PTPRK: variants seen among roughly 807,000 people sequenced by gnomAD.
PTPRK encodes the protein receptor-type tyrosine-protein phosphatase kappa.
In PTPRK, 75 loss-of-function variants were observed where a neutral mutation model predicts 178.0. That is an observed-to-expected ratio of 0.42 (90% CI 0.35 to 0.51). The LOEUF (loss-of-function observed/expected upper bound fraction) is 0.51. PTPRK is among the 20% of genes least tolerant of loss of function. The pLI, the probability that PTPRK is intolerant of heterozygous loss-of-function variation, is 0.02. For missense variants in PTPRK, 1,441 were observed against 1,797.8 expected (o/e 0.80, Z 3.59); for synonymous variants, 637 against 620.6 (o/e 1.03, Z -0.39).
intron 15 of PTPRK, chr6:128,003,166 A>C (rs941069569): frequency 6.3e-7 from 1 of 1,580,802 alleles, no homozygotes; most frequent in African/African-American, 1.4e-5. Context: ...GATCCATGCA[A>C]TGAAAAGATG....
At chr6:128,293,668 T>C (rs995463177) in intron 3 of PTPRK, among the ~76,000 whole-genome samples, 1 of 152,196 alleles carries the variant, frequency 6.6e-6, no homozygotes, top group African/African-American at 2.4e-5. Flanking sequence ...TTTTAGAGAA[T>C]GCAAAGCTCA....
intron 3 of PTPRK, among the ~76,000 whole-genome samples, chr6:128,283,236 C>CTTG (rs1327681826): frequency 1.3e-5 from 2 of 152,068 alleles, no homozygotes; most frequent in Middle Eastern, 3.4e-3. Flanking sequence ...CCAAGGGTGC[C>CTTG]CCAATCAATT....
chr6:128,325,544 T>C (rs945384734), intron 2 of PTPRK, among the ~76,000 whole-genome samples: 6 of 152,024 alleles, frequency 3.9e-5, no homozygotes, highest in Admixed American at 2.6e-4. Flanking sequence ...AGAAGACATT[T>C]ATGCGGCCAA....
chr6:127,980,275 A>G (rs1775151674), intron 25 of PTPRK, among the ~76,000 whole-genome samples: 1 of 152,228 alleles, frequency 6.6e-6, no homozygotes, highest in South Asian at 2.1e-4. Flanking sequence ...GTGCCATTGC[A>G]CTCCAGCCTG....
intron 1 of PTPRK, among the ~76,000 whole-genome samples, chr6:128,486,181 G>C (rs1667875613): frequency 6.6e-6 from 1 of 151,418 alleles, no homozygotes; most frequent in Admixed American, 6.6e-5. Context: ...ATAAAAAGGG[G>C]GTGACAGTTT....
intron 14 of PTPRK, chr6:128,008,169 T>G: frequency 1.3e-6 from 1 of 769,672 alleles, no homozygotes. Context: ...GAGTCTTATC[T>G]ATAATGTTAA....
rs760022526 is a variant in PTPRK, at chr6:128,322,174, A to C, written c.360T>G (p.Pro120=). 9.9e-6 allele frequency: 16 copies of C among 1,613,968 alleles called. No homozygotes were observed. The South Asian group carries it at 1.8e-4, about 18-fold the overall frequency. The part of the protein sequence containing the change: ...YLLYSQKGLN[P]GTLNILVRVN... Reference sequence around the variant, plus strand: ...CCCTAACTAATATGTTCAAAGTGCCAGGATTCAGTCCTTTCTGGCTATATA... The same window carrying C: ...CCCTAACTAATATGTTCAAAGTGCCCGGATTCAGTCCTTTCTGGCTATATA... Residue 120 remains proline (P), a synonymous_variant, in exon 3 of 30, where the codon CCT becomes CCG. Coordinates refer to ENST00000368226, the MANE Select transcript of PTPRK (RefSeq NM_002844.4).
intron 1 of PTPRK, among the ~76,000 whole-genome samples, chr6:128,496,909 T>C (rs1210662171): frequency 2.0e-5 from 3 of 152,192 alleles, no homozygotes; most frequent in Admixed American, 2.0e-4. Context: ...AAAATATAAT[T>C]GTGCTTGGCA....
chr6:128,262,719 C>T (rs992683648), intron 3 of PTPRK, among the ~76,000 whole-genome samples: 3 of 151,890 alleles, frequency 2.0e-5, no homozygotes, highest in African/African-American at 7.3e-5. Flanking sequence ...TAATGTGATG[C>T]ATTTATACGA....
intron 1 of PTPRK, among the ~76,000 whole-genome samples, chr6:128,490,732 A>T (rs1013538330): frequency 6.6e-6 from 1 of 152,232 alleles, no homozygotes; most frequent in Non-Finnish European, 1.5e-5. Flanking sequence ...AAAATACCAC[A>T]GACTTGAAGG....
intron 3 of PTPRK, among the ~76,000 whole-genome samples, chr6:128,320,708 C>A (rs1429960385): frequency 6.6e-6 from 1 of 152,018 alleles, no homozygotes; most frequent in African/African-American, 2.4e-5. Context: ...TGAGAGTGAC[C>A]TGGTGATGAC....
chr6:128,197,980 G>A (rs1242714583), intron 6 of PTPRK, among the ~76,000 whole-genome samples: 1 of 152,026 alleles, frequency 6.6e-6, no homozygotes, highest in African/African-American at 2.4e-5. Flanking sequence ...TTAGCCAGTG[G>A]CATTATCCCA....
At chr6:128,372,560 A>G (rs796150374) in intron 2 of PTPRK, among the ~76,000 whole-genome samples, 4 of 152,354 alleles carry the variant, frequency 2.6e-5, no homozygotes, top group African/African-American at 7.2e-5. Context: ...CAAAGAGTTG[A>G]AAAGCAGGCC....
chr6:128,170,665 C>T lies in PTPRK; in HGVS notation c.1162+13767G>A, dbSNP rs563513890. Among the ~76,000 whole-genome samples the T allele has an allele frequency of 5.9e-5, 9 of 151,932 alleles. No individual in the cohort carries two copies. In the East Asian group the frequency reaches 1.2e-3, roughly 20 times the overall value. On this transcript the variant is annotated intron_variant, in intron 7 of 29. Transcript: ENST00000368226. ...AACTGTTGTTACCTTTCATTTTTTT[C>T]CATAATAGATGCACATGTTGTCACT...
At chr6:128,216,167 C>T (rs1344057821) in intron 6 of PTPRK, among the ~76,000 whole-genome samples, 5 of 152,038 alleles carry the variant, frequency 3.3e-5, no homozygotes, top group Non-Finnish European at 7.4e-5. Context: ...ATAACAAATT[C>T]AAAATGCCAT....
intron 1 of PTPRK, among the ~76,000 whole-genome samples, chr6:128,510,428 C>T (rs1857003207): frequency 6.6e-6 from 1 of 152,188 alleles, no homozygotes; most frequent in Non-Finnish European, 1.5e-5. Context: ...CCTAATATCC[C>T]ATGTTGCTCA....
chr6:128,518,033 GA>G (rs201573892), intron 1 of PTPRK, among the ~76,000 whole-genome samples: 1,933 of 151,688 alleles, frequency 0.013, 31 homozygotes, highest in Non-Finnish European at 0.019. Flanking sequence ...ATGGTAGCCA[GA>G]AAAAAAAGGA....
At chr6:128,303,719 G>A (rs1305619152) in intron 3 of PTPRK, among the ~76,000 whole-genome samples, 5 of 152,100 alleles carry the variant, frequency 3.3e-5, no homozygotes, top group African/African-American at 9.7e-5. Context: ...AAGATTCGTT[G>A]CTTAACTTTA....
At chr6:127,977,168 T>C (rs1774700627) in intron 25 of PTPRK, 114 bp from the exon 26 acceptor site, 2 of 1,040,598 alleles carry the variant, frequency 1.9e-6, no homozygotes, top group Non-Finnish European at 1.4e-6. Flanking sequence ...TAGCTTCATA[T>C]GCAGAAGGAG....
Sources: allele counts gnomAD v4.1 joint callset (sites outside exome capture counted in the v4.1 genomes callset), GRCh38; gene constraint gnomAD v4.1.1; transcripts MANE v1.5; gene names NCBI Gene and HGNC (gene_info 2026-07-23, HGNC 2026-07-21).